The following ANTXR1 variants were observed in gnomAD, a reference collection of about 807,000 sequenced individuals.
ANTXR1 encodes anthrax toxin receptor 1.
ANTXR1 carries 19 observed loss-of-function variants against 78.1 expected under a neutral mutation model. The ratio of observed to expected loss-of-function variants is 0.24; its 90% CI spans 0.17 to 0.36. The LOEUF is 0.36. ANTXR1 is among the 10% of genes least tolerant of loss of function. The pLI is 1.00. For synonymous variants in ANTXR1, 273 were observed against 260.5 expected, an observed-to-expected ratio of 1.05 and a Z score of -0.46; for missense variants, 518 against 718.6, an observed-to-expected ratio of 0.72 and a Z score of 3.19.
At chr2:69,208,606 A>G (rs943159637) in intron 17 of ANTXR1, among the ~76,000 whole-genome samples, 2 of 152,240 alleles carry the variant, frequency 1.3e-5, no homozygotes, top group Non-Finnish European at 2.9e-5. Context: ...TGTGGTTACT[A>G]GAAAACTTAA....
chr2:69,053,030 C>T (rs2104125634), intron 3 of ANTXR1, among the ~76,000 whole-genome samples: 2 of 152,242 alleles, frequency 1.3e-5, no homozygotes, highest in East Asian at 3.9e-4. Flanking sequence ...AGAATGTCTT[C>T]AACATAAATA....
intron 12 of ANTXR1, among the ~76,000 whole-genome samples, chr2:69,132,096 T>TC: frequency 6.6e-6 from 1 of 152,164 alleles, no homozygotes. Context: ...TAGAGACTGA[T>TC]AGACTCAAGA....
chr2:69,137,816 G>T (rs1672957995), intron 12 of ANTXR1, among the ~76,000 whole-genome samples: 1 of 150,968 alleles, frequency 6.6e-6, no homozygotes, highest in East Asian at 1.9e-4. Context: ...TGGGCGCGGT[G>T]GCTCCGCCTA....
intron 12 of ANTXR1, among the ~76,000 whole-genome samples, chr2:69,130,625 A>G (rs1672712454): frequency 6.6e-6 from 1 of 152,186 alleles, no homozygotes; most frequent in African/African-American, 2.4e-5. Flanking sequence ...TTTATAGTAA[A>G]GATTAAGTAT....
chr2:69,230,122 C>T (rs1034969868), intron 17 of ANTXR1, among the ~76,000 whole-genome samples: 1 of 152,128 alleles, frequency 6.6e-6, no homozygotes, highest in African/African-American at 2.4e-5. Context: ...AGTGACAGCA[C>T]TTTGGCCACC....
chr2:69,017,371 A>G (rs906904409), intron 1 of ANTXR1, among the ~76,000 whole-genome samples: 4 of 152,158 alleles, frequency 2.6e-5, no homozygotes, highest in Non-Finnish European at 5.9e-5. Flanking sequence ...CACTGTCTAC[A>G]GTCTGAAACC....
chr2:69,125,185 G>A (rs1236278759), intron 12 of ANTXR1, among the ~76,000 whole-genome samples: 2 of 152,170 alleles, frequency 1.3e-5, no homozygotes, highest in Non-Finnish European at 2.9e-5. Flanking sequence ...AGGAGAGAGA[G>A]TGGGGAAGGA....
At chr2:69,228,210 G>A (rs1443557171) in intron 17 of ANTXR1, among the ~76,000 whole-genome samples, 5 of 152,206 alleles carry the variant, frequency 3.3e-5, no homozygotes, top group Non-Finnish European at 5.9e-5. Context: ...TGGAAAAAGG[G>A]ATAGGGATAC....
chr2:69,045,542 G>A (rs185183683), intron 3 of ANTXR1, among the ~76,000 whole-genome samples: 4 of 152,218 alleles, frequency 2.6e-5, no homozygotes, highest in Admixed American at 1.3e-4. Flanking sequence ...ACACATGTGG[G>A]ATTATTGGGA....
chr2:69,191,515 A>G (rs1219464304), intron 16 of ANTXR1, among the ~76,000 whole-genome samples: 2 of 152,182 alleles, frequency 1.3e-5, no homozygotes, highest in Non-Finnish European at 2.9e-5. Context: ...CTTGGGTAGG[A>G]AATACATTTT....
intron 10 of ANTXR1, among the ~76,000 whole-genome samples, chr2:69,105,218 T>C (rs1671766047): frequency 6.6e-6 from 1 of 152,244 alleles, no homozygotes; most frequent in Non-Finnish European, 1.5e-5. Flanking sequence ...TCTCTCTCCT[T>C]TCTTCCTTTC....
chr2:69,030,357 A>G (rs996702483), intron 1 of ANTXR1, among the ~76,000 whole-genome samples: 1 of 152,378 alleles, frequency 6.6e-6, no homozygotes, highest in South Asian at 2.1e-4. Context: ...TTATGAAGCT[A>G]GCATAGATCT....
At chr2:69,110,395 GA>G (rs1671940112) in intron 10 of ANTXR1, among the ~76,000 whole-genome samples, 1 of 152,136 alleles carries the variant, frequency 6.6e-6, no homozygotes, top group Admixed American at 6.5e-5. Context: ...ATGAGGGAGA[GA>G]GGGAAAAGAA....
At chr2:69,025,250 TAAG>T (rs1671307783) in intron 1 of ANTXR1, among the ~76,000 whole-genome samples, 1 of 152,110 alleles carries the variant, frequency 6.6e-6, no homozygotes, top group Admixed American at 6.5e-5. Flanking sequence ...AAAATAATAA[TAAG>T]AACAACCACT....
At chr2:69,041,658 C>T (rs1302733566) in intron 2 of ANTXR1, among the ~76,000 whole-genome samples, 1 of 152,224 alleles carries the variant, frequency 6.6e-6, no homozygotes, top group East Asian at 1.9e-4. Context: ...AGTCCAGCAC[C>T]TGGCTTAGAG....
intron 14 of ANTXR1, chr2:69,172,259 T>C: frequency 2.3e-6 from 2 of 854,090 alleles, no homozygotes; most frequent in East Asian, 2.5e-5. Flanking sequence ...AATTTAAACA[T>C]TGTACTTTTT....
At chr2:69,054,061 T>C (rs1670002755) in intron 3 of ANTXR1, among the ~76,000 whole-genome samples, 1 of 152,198 alleles carries the variant, frequency 6.6e-6, no homozygotes, top group Admixed American at 6.6e-5. Flanking sequence ...TATTAAGGGC[T>C]TATTATATAC....
intron 17 of ANTXR1, among the ~76,000 whole-genome samples, chr2:69,238,413 GA>G (rs1449398142): frequency 6.6e-6 from 1 of 152,156 alleles, no homozygotes; most frequent in Non-Finnish European, 1.5e-5. Context: ...TTGTCAAAAG[GA>G]TAAATGCATA....
intron 13 of ANTXR1, among the ~76,000 whole-genome samples, chr2:69,158,968 A>C (rs1300504327): frequency 6.6e-6 from 1 of 152,238 alleles, no homozygotes; most frequent in Non-Finnish European, 1.5e-5. Context: ...TGCCTAGTAC[A>C]TATTATAATT....
Sources: allele counts gnomAD v4.1 joint callset (sites outside exome capture counted in the v4.1 genomes callset), GRCh38; gene constraint gnomAD v4.1.1; transcripts MANE v1.5; gene names NCBI Gene and HGNC (gene_info 2026-07-23, HGNC 2026-07-21).